The following FAM124A variants were observed in gnomAD, a reference collection of about 807,000 sequenced individuals.
The protein encoded by FAM124A is protein FAM124A.
In FAM124A, 23 loss-of-function variants were observed where a neutral mutation model predicts 24.5. The ratio of observed to expected loss-of-function variants is 0.94; its 90% CI spans 0.68 to 1.33. The LOEUF (loss-of-function observed/expected upper bound fraction) is 1.33. FAM124A is among the 40% of genes most tolerant of loss of function. FAM124A has a pLI of 0.00. For synonymous variants in FAM124A, 287 were observed against 314.7 expected (o/e 0.91, Z 0.93); for missense variants, 623 against 722.8 (o/e 0.86, Z 1.58).
chr13:51,230,169 C>G (rs1443097666), intron 1 of FAM124A, among the ~76,000 whole-genome samples: 2 of 152,128 alleles, frequency 1.3e-5, no homozygotes, highest in Non-Finnish European at 2.9e-5. Context: ...TTCATTGATT[C>G]CATGACTACT....
At chr13:51,245,447 C>A in intron 2 of FAM124A, 1 of 604,050 alleles carries the variant, frequency 1.7e-6, no homozygotes, top group East Asian at 3.0e-5. Flanking sequence ...GCGCAGCTTC[C>A]GGCATTCATC....
intron 3 of FAM124A, among the ~76,000 whole-genome samples, chr13:51,254,620 T>G (rs1954657524): frequency 6.6e-6 from 1 of 152,188 alleles, no homozygotes; most frequent in African/African-American, 2.4e-5. Flanking sequence ...CATGAAAGAC[T>G]CTTCCCATTG....
chr13:51,243,413 TG>T (rs1954522040), intron 2 of FAM124A, among the ~76,000 whole-genome samples: 1 of 152,190 alleles, frequency 6.6e-6, no homozygotes, highest in African/African-American at 2.4e-5. Context: ...TGAAGGCATT[TG>T]TTTCTGGCGT....
chr13:51,280,313 G>T lies in FAM124A; in HGVS notation c.835-137G>T, dbSNP rs1032171537. The T allele has an allele frequency of 2.6e-5, 20 of 782,774 alleles. No homozygotes were observed. In the Middle Eastern group the frequency reaches 3.4e-3, roughly 133 times the overall value. The allele number at this position is 782,774 out of a possible 1,614,324, so 48.5% of individuals were successfully genotyped here. ...CTGCTACCTCTGTCTTTGCTCTAGA[G>T]ATTGCAGAACTGGTAATGCTGGTAA... On this transcript the variant is annotated intron_variant, in intron 3 of 3. Coordinates refer to ENST00000322475, the MANE Select transcript of FAM124A (RefSeq NM_001242312.2).
At chr13:51,253,900 A>C (rs757889992) in intron 3 of FAM124A, among the ~76,000 whole-genome samples, 9 of 152,168 alleles carry the variant, frequency 5.9e-5, no homozygotes, top group African/African-American at 9.7e-5. Context: ...AAATAGTAAT[A>C]TGTTGAGGAA....
chr13:51,278,433 A>G (rs1954905372), intron 3 of FAM124A, among the ~76,000 whole-genome samples: 2 of 152,186 alleles, frequency 1.3e-5, no homozygotes, highest in South Asian at 4.1e-4. Flanking sequence ...ACAAGACCCC[A>G]CTTTTAGAAA....
At position 51,283,682 on chromosome 13, in the gene FAM124A, A is replaced by G. The variant is rs953791511; in HGVS notation, c.*2426A>G. The G allele has an allele frequency of 6.6e-6, 1 of 150,602 alleles. No homozygotes were observed. The highest frequency in any genetic ancestry group is 1.5e-5 in the Non-Finnish European group (1 of 67,588). The allele number at this position is 150,602 out of a possible 1,614,324, so 9.3% of individuals were successfully genotyped here. A position where few individuals can be genotyped will look rare whatever the true frequency, so the allele number is the denominator to read the frequency against. On this transcript the variant is annotated 3_prime_UTR_variant, in exon 4 of 4. Transcript: ENST00000322475. Reference sequence around the variant, plus strand: ...GGAAAAGCAACCTGCAAACATTAGGAAGAAGGAGAAAAATAATTCAGAGGT... The same window carrying G: ...GGAAAAGCAACCTGCAAACATTAGGGAGAAGGAGAAAAATAATTCAGAGGT...
In FAM124A at chr13:51,281,811, C is replaced by T. The variant is rs1954942897; in HGVS notation, c.*555C>T. 6.6e-6 allele frequency: 1 copy of T among 152,210 alleles called. No homozygotes were observed. The highest frequency in any genetic ancestry group is 1.5e-5 in the Non-Finnish European group (1 of 68,078). The allele number at this position is 152,210 out of a possible 1,614,324, so 9.4% of individuals were successfully genotyped here. ...GGAAAAAGTCAGCTTGAGAAGTAAA[C>T]GTATATCAGACTACAGGTAATTCCT... On this transcript the variant is annotated 3_prime_UTR_variant, in exon 4 of 4. Transcript: ENST00000322475.
chr13:51,264,608 C>T (rs1954767923), intron 3 of FAM124A, among the ~76,000 whole-genome samples: 1 of 152,006 alleles, frequency 6.6e-6, no homozygotes, highest in Admixed American at 6.5e-5. Context: ...GCACTCCAGC[C>T]TGGACAACAC....
intron 2 of FAM124A, among the ~76,000 whole-genome samples, chr13:51,250,930 C>T (rs776847152): frequency 2.2e-4 from 33 of 152,226 alleles, no homozygotes; most frequent in Admixed American, 1.5e-3. Flanking sequence ...TCGCCTTGTG[C>T]CTCACTCCCT....
At chr13:51,227,788 G>C (rs1407186261) in intron 1 of FAM124A, among the ~76,000 whole-genome samples, 1 of 152,194 alleles carries the variant, frequency 6.6e-6, no homozygotes, top group Non-Finnish European at 1.5e-5. Flanking sequence ...CATCTCAGCT[G>C]TCACTGAGCT....
At chr13:51,253,832 T>C (rs890867622) in intron 3 of FAM124A, among the ~76,000 whole-genome samples, 2 of 151,836 alleles carry the variant, frequency 1.3e-5, no homozygotes, top group African/African-American at 4.8e-5. Flanking sequence ...AACAACAGAG[T>C]GTGAAAGAGT....
In FAM124A at chr13:51,284,194, A is replaced by G. The variant is rs570835115; in HGVS notation, c.*2938A>G. Reference sequence around the variant, plus strand: ...GTTTGGAGTATTATCCTTGTAAAAGATGCTGGCACATTGTAGGTGCTCAAT... The same window carrying G: ...GTTTGGAGTATTATCCTTGTAAAAGGTGCTGGCACATTGTAGGTGCTCAAT... On this transcript the variant is annotated 3_prime_UTR_variant, in exon 4 of 4. Transcript: ENST00000322475. The G allele has an allele frequency of 2.6e-5, 4 of 152,348 alleles. No homozygotes were observed. The South Asian group carries it at 8.3e-4, about 32-fold the overall frequency. 9.4% of individuals were successfully genotyped at this position (152,348 alleles called of 1,614,324 possible). A position where few individuals can be genotyped will look rare whatever the true frequency, so the allele number is the denominator to read the frequency against.
intron 1 of FAM124A, among the ~76,000 whole-genome samples, chr13:51,226,741 C>T (rs375460652): frequency 8.5e-5 from 13 of 152,054 alleles, no homozygotes; most frequent in African/African-American, 3.1e-4. Context: ...GAAACAGTTC[C>T]GAGAAACTTT....
At chr13:51,224,872 C>T (rs368052968) in intron 1 of FAM124A, among the ~76,000 whole-genome samples, 1 of 152,046 alleles carries the variant, frequency 6.6e-6, no homozygotes, top group East Asian at 1.9e-4. Context: ...CTCAGCAGGT[C>T]CTTCTTTGCG....
At chr13:51,245,496 C>T (rs1006802841) in intron 2 of FAM124A, 18 of 458,046 alleles carry the variant, frequency 3.9e-5, no homozygotes, top group African/African-American at 1.6e-4. Context: ...ATCTACAGCT[C>T]GAATTTTCAG....
intron 3 of FAM124A, among the ~76,000 whole-genome samples, chr13:51,271,863 A>G (rs1383497251): frequency 2.6e-5 from 4 of 152,048 alleles, no homozygotes; most frequent in Non-Finnish European, 5.9e-5. Flanking sequence ...CAGTAATATA[A>G]CCTCGCCAAG....
intron 2 of FAM124A, among the ~76,000 whole-genome samples, chr13:51,248,773 C>T (rs886141722): frequency 5.9e-5 from 9 of 152,238 alleles, no homozygotes; most frequent in South Asian, 2.1e-4. Context: ...TGGGGAAATA[C>T]GCCACCCATT....
At chr13:51,239,269 CAA>C (rs1171235207) in intron 2 of FAM124A, among the ~76,000 whole-genome samples, 1 of 152,118 alleles carries the variant, frequency 6.6e-6, no homozygotes, top group Non-Finnish European at 1.5e-5. Context: ...TACAGATTAG[CAA>C]AGAGAAGCAA....
Sources: gnomAD v4.1 joint callset for allele counts (sites outside exome capture counted in the v4.1 genomes callset) on GRCh38, gnomAD v4.1.1 for gene constraint, MANE v1.5 for transcripts, NCBI Gene and HGNC (gene_info 2026-07-23, HGNC 2026-07-21) for gene names.